The following XKR6 variants were observed in gnomAD, a reference collection of about 807,000 sequenced individuals.
XKR6 encodes XK-related protein 6.
In XKR6, 22 loss-of-function variants were observed where a neutral mutation model predicts 56.7. The observed-to-expected ratio is 0.39, with a 90% CI of 0.28 to 0.55. XKR6 has a LOEUF of 0.55. Among genes scored for constraint, XKR6 ranks in the 20% least tolerant of loss-of-function variants. The pLI, the probability that XKR6 is intolerant of heterozygous loss-of-function variation, is 0.66. For missense variants in XKR6, 852 were observed against 889.0 expected (o/e 0.96, Z 0.53); for synonymous variants, 524 against 387.8 (o/e 1.35, Z -4.13).
At chr8:11,101,614 C>G (rs998390170) in intron 1 of XKR6, among the ~76,000 whole-genome samples, 1 of 152,186 alleles carries the variant, frequency 6.6e-6, no homozygotes, top group African/African-American at 2.4e-5. Flanking sequence ...TGGGAATCCA[C>G]AAGAGCCAAT....
chr8:10,991,050 C>A (rs1176909767), intron 1 of XKR6, among the ~76,000 whole-genome samples: 1 of 151,938 alleles, frequency 6.6e-6, no homozygotes, highest in Non-Finnish European at 1.5e-5. Flanking sequence ...ATTACAGGCA[C>A]CCACCAACAT....
intron 1 of XKR6, among the ~76,000 whole-genome samples, chr8:10,959,136 G>C (rs1024491390): frequency 6.6e-6 from 1 of 152,214 alleles, no homozygotes; most frequent in Non-Finnish European, 1.5e-5. Context: ...CTCATGCACA[G>C]ATAATGACAG....
intron 1 of XKR6, chr8:11,138,032 G>C: frequency 3.9e-6 from 1 of 254,172 alleles, no homozygotes; most frequent in Non-Finnish European, 7.7e-6. Flanking sequence ...AGAAGGGTGG[G>C]ATCCTCCATC....
At chr8:11,098,020 T>G (rs11783227) in intron 1 of XKR6, among the ~76,000 whole-genome samples, 40,236 of 151,980 alleles carry the variant, frequency 0.26, 7,018 homozygotes, top group Non-Finnish European at 0.4. Flanking sequence ...GGTGCAATTT[T>G]GCAGGGGGGC....
At chr8:11,110,941 A>G (rs1026137994) in intron 1 of XKR6, among the ~76,000 whole-genome samples, 3 of 148,602 alleles carry the variant, frequency 2.0e-5, no homozygotes, top group African/African-American at 7.5e-5. Flanking sequence ...GGTTCACACC[A>G]TTCTCCTGCC....
At chr8:11,094,291 C>T (rs562719957) in intron 1 of XKR6, among the ~76,000 whole-genome samples, 51 of 152,198 alleles carry the variant, frequency 3.4e-4, no homozygotes, top group Middle Eastern at 3.4e-3. Flanking sequence ...GGGGTTCAAG[C>T]GATTCTCCTG....
intron 1 of XKR6, among the ~76,000 whole-genome samples, chr8:11,077,754 T>C (rs1407000683): frequency 2.0e-5 from 3 of 152,128 alleles, no homozygotes; most frequent in South Asian, 2.1e-4. Context: ...GCTGCAAGAA[T>C]GCATCTGGGC....
At chr8:11,170,243 A>G (rs965167604) in intron 1 of XKR6, among the ~76,000 whole-genome samples, 5 of 152,216 alleles carry the variant, frequency 3.3e-5, no homozygotes, top group African/African-American at 7.2e-5. Flanking sequence ...GCCTTGTTAC[A>G]GGAATTCTAG....
rs910521635 is a variant in XKR6, at chr8:10,897,633, C to T, written c.*319G>A. On this transcript the variant is annotated 3_prime_UTR_variant, in exon 3 of 3. Coordinates refer to ENST00000416569, the MANE Select transcript of XKR6 (RefSeq NM_173683.4). ...TGGAGTGGAGATAACTCCTCCTTCT[C>T]CACCCTATGAACCATAGCGTGGGAT... 1.7e-5 allele frequency: 4 copies of T among 230,224 alleles called. No homozygotes were observed. Among genetic ancestry groups the T allele is most frequent in the African/African-American group, 9.0e-5 (4 of 44,290 alleles). 14.3% of individuals were successfully genotyped at this position (230,224 alleles called of 1,614,324 possible).
chr8:11,119,167 T>G (rs1428824468), intron 1 of XKR6, among the ~76,000 whole-genome samples: 1 of 152,228 alleles, frequency 6.6e-6, no homozygotes, highest in East Asian at 1.9e-4. Context: ...CACTGTGGTC[T>G]GAGAGACAGT....
At chr8:11,040,213 C>A (rs953827982) in intron 1 of XKR6, among the ~76,000 whole-genome samples, 1 of 151,988 alleles carries the variant, frequency 6.6e-6, no homozygotes, top group Non-Finnish European at 1.5e-5. Context: ...CCTTCCTGCC[C>A]AAGGCTCCGG....
At chr8:10,907,671 ATC>A (rs1255994266) in intron 2 of XKR6, among the ~76,000 whole-genome samples, 3 of 152,202 alleles carry the variant, frequency 2.0e-5, no homozygotes, top group Non-Finnish European at 4.4e-5. Context: ...ACTGGGAAAG[ATC>A]TCTCTCCATC....
intron 1 of XKR6, among the ~76,000 whole-genome samples, chr8:11,102,858 T>C (rs1232360206): frequency 6.6e-6 from 1 of 152,200 alleles, no homozygotes; most frequent in Non-Finnish European, 1.5e-5. Flanking sequence ...CCTTGGACAC[T>C]TCCCTTCCAT....
intron 2 of XKR6, among the ~76,000 whole-genome samples, chr8:10,909,199 G>GTCTC (rs140030182): frequency 2.7e-5 from 4 of 150,656 alleles, no homozygotes; most frequent in South Asian, 2.1e-4. Flanking sequence ...CCTGAGCTCT[G>GTCTC]TCTCTCTCTC....
chr8:11,000,897 AG>A (rs1798223311), intron 1 of XKR6, among the ~76,000 whole-genome samples: 1 of 152,090 alleles, frequency 6.6e-6, no homozygotes, highest in African/African-American at 2.4e-5. Flanking sequence ...TGGTCCAGAG[AG>A]TATATCCCTC....
At chr8:10,930,488 C>T (rs575527029) in intron 1 of XKR6, among the ~76,000 whole-genome samples, 1 of 152,188 alleles carries the variant, frequency 6.6e-6, no homozygotes, top group South Asian at 2.1e-4. Context: ...CAGTCAAACA[C>T]AGTACAAGCA....
chr8:11,053,333 G>A (rs552809379), intron 1 of XKR6, among the ~76,000 whole-genome samples: 116 of 152,300 alleles, frequency 7.6e-4, no homozygotes, highest in African/African-American at 2.6e-3. Context: ...GGCCCAGCAC[G>A]CTTAACCATC....
intron 2 of XKR6, among the ~76,000 whole-genome samples, chr8:10,908,194 G>C (rs1057409072): frequency 2.0e-5 from 3 of 152,198 alleles, no homozygotes; most frequent in Admixed American, 1.3e-4. Context: ...GGAAGAGGCT[G>C]CTCCACAGGG....
intron 1 of XKR6, among the ~76,000 whole-genome samples, chr8:11,115,987 A>G (rs1416582954): frequency 6.6e-6 from 1 of 152,250 alleles, no homozygotes; most frequent in Non-Finnish European, 1.5e-5. Flanking sequence ...ACTGCAGTTT[A>G]TGCTTAAATA....
Sources: allele counts gnomAD v4.1 joint callset (sites outside exome capture counted in the v4.1 genomes callset), GRCh38; gene constraint gnomAD v4.1.1; transcripts MANE v1.5; gene names NCBI Gene and HGNC (gene_info 2026-07-23, HGNC 2026-07-21).